The following SCN10A variants were observed in gnomAD, a reference collection of about 807,000 sequenced individuals.
The protein encoded by SCN10A is sodium voltage-gated channel alpha subunit 10, also known as sodium channel protein type 10 subunit alpha.
Under a neutral mutation model 170.7 loss-of-function variants are expected in SCN10A, and 162 were observed. The ratio of observed to expected loss-of-function variants is 0.95; its 90% CI spans 0.84 to 1.08. The LOEUF (loss-of-function observed/expected upper bound fraction) is 1.08. Among genes scored for constraint, SCN10A ranks in the 50% least tolerant of loss-of-function variants. The pLI is 0.00. For missense variants in SCN10A, 2,527 were observed against 2,436.9 expected (o/e 1.04, Z -0.78); for synonymous variants, 985 against 904.6 (o/e 1.09, Z -1.59).
At chr3:38,779,981 T>C (rs928895299) in intron 4 of SCN10A, among the ~76,000 whole-genome samples, 2 of 151,930 alleles carry the variant, frequency 1.3e-5, no homozygotes, top group Non-Finnish European at 2.9e-5. Flanking sequence ...TTTCTATTGT[T>C]AGGGAAGGTA....
chr3:38,787,362 T>C lies in SCN10A; in HGVS notation c.470+1594A>G, dbSNP rs570682027. ...CACAATTGATTTATGTATGTTAATTTGTACCCAGCTACCTTACTATACTCT... is the reference window on the plus strand; with the variant it reads ...CACAATTGATTTATGTATGTTAATTCGTACCCAGCTACCTTACTATACTCT... On this transcript the variant is annotated intron_variant, in intron 4 of 27. Transcript: ENST00000449082. 3.4e-4 allele frequency among the ~76,000 whole-genome samples: 52 copies of C among 152,306 alleles called. No individual in the cohort carries two copies. In the South Asian group the frequency reaches 0.01, roughly 30 times the overall value.
chr3:38,735,406 C>T (rs1367860887), intron 15 of SCN10A, among the ~76,000 whole-genome samples: 2 of 152,060 alleles, frequency 1.3e-5, no homozygotes, highest in East Asian at 3.9e-4. Flanking sequence ...CTCATGGAAA[C>T]ATTTTTAAAC....
chr3:38,808,961 G>T (rs1424758486), intron 1 of SCN10A, among the ~76,000 whole-genome samples: 1 of 152,168 alleles, frequency 6.6e-6, no homozygotes, highest in African/African-American at 2.4e-5. Flanking sequence ...TTTTGTTGTT[G>T]TTGTTTTTGT....
chr3:38,701,970 C>A lies in SCN10A; in HGVS notation c.4526G>T (p.Gly1509Val). ...DQSEEKTKIL[G>V]KINQFFVAVF... is the part of the protein sequence containing the mutation. ...GGCCACAAAGAACTGGTTGATTTTG[C>A]CCAGAATTTTCGTCTTTTCTTCACT... Residue 1509 changes from glycine to valine, a missense_variant, in exon 27 of 28, where the codon GGC becomes GTC. Physicochemically the swap from Gly to Val is moderately radical, Grantham distance 109. Transcript: ENST00000449082. The A allele has an allele frequency of 6.2e-7, 1 of 1,614,138 alleles. No individual in the cohort carries two copies. The highest frequency in any genetic ancestry group is 8.5e-7 in the Non-Finnish European group (1 of 1,180,010).
rs1413571889 is a variant in SCN10A at position 38,726,824 on chromosome 3, T to A, written c.2869A>T (p.Lys957Ter). The A allele has an allele frequency of 6.2e-7, 1 of 1,613,328 alleles. No homozygotes were observed. Among genetic ancestry groups the A allele is most frequent in the East Asian group, 2.2e-5 (1 of 44,828 alleles). ...TTGGCAGCAATGTGGTTCTCAGCCT[T>A]GGAGCTGGAGAGTGGGAGTTTCACC... Reference protein sequence around the residue: ...LVVKLPLSSSKAENHIAANTA... With the variant: ...LVVKLPLSSS The change falls in exon 17 of 28, where the codon AAG becomes TAG. Residue 957 changes from lysine (K) to a stop codon, truncating the protein, a stop_gained. Coordinates refer to ENST00000449082, the MANE Select transcript of SCN10A (RefSeq NM_006514.4). LOFTEE classifies it high-confidence loss of function.
At chr3:38,766,947 T>C (rs2063939547) in intron 5 of SCN10A, among the ~76,000 whole-genome samples, 1 of 152,132 alleles carries the variant, frequency 6.6e-6, no homozygotes, top group Non-Finnish European at 1.5e-5. Flanking sequence ...TACTTTCTGA[T>C]TTAATCTAAG....
At position 38,772,711 on chromosome 3, in the gene SCN10A, A is replaced by G. The variant is rs562145285; in HGVS notation, c.471-1304T>C. Among the ~76,000 whole-genome samples, 139 of 79,078 alleles carry G rather than the reference A, an allele frequency of 1.8e-3. 2 individuals carry two copies. The highest frequency in any genetic ancestry group is 2.8e-3 in the Admixed American group (22 of 7,814). 51.9% of individuals were successfully genotyped at this position (79,078 alleles called of 152,430 possible). On this transcript the variant is annotated intron_variant, in intron 4 of 27. Transcript: ENST00000449082. ...CTCCAAAACAACAACAACAACAGCAACAACAACAACAACAAAAACAAAAAC... is the reference window on the plus strand; with the variant it reads ...CTCCAAAACAACAACAACAACAGCAGCAACAACAACAACAAAAACAAAAAC...
At position 38,698,108 on chromosome 3, in the gene SCN10A, G is replaced by T. The variant is rs1234232813; in HGVS notation, c.5112C>A (p.Thr1704=). The T allele has an allele frequency of 6.2e-7, 1 of 1,614,116 alleles. No individual in the cohort carries two copies. The highest frequency in any genetic ancestry group is 8.5e-7 in the Non-Finnish European group (1 of 1,179,966). Residue 1704 remains threonine (T), a synonymous_variant, in exon 28 of 28, where the codon ACC becomes ACA. Transcript: ENST00000449082. ...TGATGAGGAAGGAGATGATGATGTA[G>T]GTGGTGAAGAAGATGATGCCTACGG... The part of the protein sequence containing the change: ...SPAVGIIFFT[T]YIIISFLIMV...
At chr3:38,714,798 C>A (rs2063313556) in intron 21 of SCN10A, among the ~76,000 whole-genome samples, 1 of 152,100 alleles carries the variant, frequency 6.6e-6, no homozygotes, top group Admixed American at 6.5e-5. Context: ...AAGTGGTGGT[C>A]CAAAGACTGC....
At chr3:38,814,804 C>T (rs1388271667) in intron 1 of SCN10A, among the ~76,000 whole-genome samples, 1 of 152,130 alleles carries the variant, frequency 6.6e-6, no homozygotes, top group South Asian at 2.1e-4. Flanking sequence ...CATTTCAAAC[C>T]AACTTTATGC....
At chr3:38,775,995 G>C (rs2064069147) in intron 4 of SCN10A, among the ~76,000 whole-genome samples, 1 of 152,018 alleles carries the variant, frequency 6.6e-6, no homozygotes, top group Non-Finnish European at 1.5e-5. Flanking sequence ...CTTATTTTGT[G>C]CTTGTAGTAG....
chr3:38,758,026 T>G (rs532577670), intron 8 of SCN10A, among the ~76,000 whole-genome samples: 16 of 152,300 alleles, frequency 1.1e-4, no homozygotes, highest in African/African-American at 3.9e-4. Flanking sequence ...TTTTTTAAAT[T>G]TTTTTCTTTT....
At position 38,760,735 on chromosome 3, in the gene SCN10A, A is replaced by G. The variant is rs2063860454; in HGVS notation, c.896T>C (p.Ile299Thr). 6.2e-7 allele frequency: 1 copy of G among 1,613,634 alleles called. No individual in the cohort carries two copies. Among genetic ancestry groups the G allele is most frequent in the Non-Finnish European group, 8.5e-7 (1 of 1,179,678 alleles). ...GGGGTCAGAAGTGCCTCGCTTATTT[A>G]TGTAGATATCTGCTGAAGAAAGGAA... ...YSSHRKPDIY[I>T]NKRGTSDPLL... Residue 299 changes from isoleucine to threonine, a missense_variant, in exon 8 of 28, where the codon ATA (isoleucine) becomes ACA (threonine). Coordinates refer to ENST00000449082, the MANE Select transcript of SCN10A (RefSeq NM_006514.4).
intron 3 of SCN10A, 59 bp from the exon 4 acceptor site, chr3:38,789,095 GATCACCT>G: frequency 1.1e-6 from 1 of 922,414 alleles, no homozygotes; most frequent in Non-Finnish European, 1.8e-6. Flanking sequence ...TGTCATCTAG[GATCACCT>G]TGATGCTGAA....
intron 22 of SCN10A, 123 bp from the exon 23 acceptor site, chr3:38,712,568 A>G (rs1195043755): frequency 1.1e-6 from 1 of 935,746 alleles, no homozygotes; most frequent in African/African-American, 1.7e-5. Context: ...GAAGCAAGAG[A>G]AGTGGGTTAA....
At position 38,723,548 on chromosome 3, in the gene SCN10A, C is replaced by A; in HGVS notation, c.3234G>T (p.Val1078=). ...ESVPQVPAEG[V]DDTSSSEGST... is the part of the protein sequence containing the mutation. ...TGCCCTCAGAGGAGCTTGTGTCGTCCACTCCCTGCAGGGGAGAAGCCCAGG... is the reference window on the plus strand; with the variant it reads ...TGCCCTCAGAGGAGCTTGTGTCGTCAACTCCCTGCAGGGGAGAAGCCCAGG... Residue 1078 remains valine (V), a synonymous_variant, in exon 19 of 28, where the codon GTG becomes GTT. Coordinates refer to ENST00000449082, the MANE Select transcript of SCN10A (RefSeq NM_006514.4). The A allele has an allele frequency of 6.3e-7, 1 of 1,590,408 alleles. No individual in the cohort carries two copies.
chr3:38,783,842 G>A (rs1268061397), intron 4 of SCN10A, among the ~76,000 whole-genome samples: 2 of 151,830 alleles, frequency 1.3e-5, no homozygotes, highest in African/African-American at 4.8e-5. Context: ...AGTTTCTGTT[G>A]CTCCATGTCA....
At chr3:38,757,862 G>C (rs550932310) in intron 8 of SCN10A, among the ~76,000 whole-genome samples, 2 of 152,260 alleles carry the variant, frequency 1.3e-5, no homozygotes, top group South Asian at 2.1e-4. Context: ...ATTGAGGTGG[G>C]AATGCTGAAC....
At chr3:38,727,270 A>G (rs1219635007) in intron 16 of SCN10A, among the ~76,000 whole-genome samples, 1 of 152,116 alleles carries the variant, frequency 6.6e-6, no homozygotes, top group Non-Finnish European at 1.5e-5. Flanking sequence ...CGAGGCTTGG[A>G]AGCATATTTT....
Sources: allele counts gnomAD v4.1 joint callset (sites outside exome capture counted in the v4.1 genomes callset), GRCh38; gene constraint gnomAD v4.1.1; transcripts MANE v1.5; gene names NCBI Gene and HGNC (gene_info 2026-07-23, HGNC 2026-07-21).